The following SPAG17 variants were observed in gnomAD, a reference collection of about 807,000 sequenced individuals.
SPAG17 encodes sperm-associated antigen 17.
Under a neutral mutation model 273.6 loss-of-function variants are expected in SPAG17, and 169 were observed. That is an observed-to-expected ratio of 0.62 (90% confidence interval 0.55 to 0.70). The LOEUF is 0.70. Ranked by LOEUF, SPAG17 falls within the 30% of genes least tolerant of loss-of-function variation. The pLI is 0.00. For synonymous variants in SPAG17, 825 were observed against 873.2 expected (o/e 0.94, Z 0.97); for missense variants, 2,557 against 2,627.8 (o/e 0.97, Z 0.59).
Position 118,135,184 on chromosome 1 carries a change from G to A in SPAG17, c.315+15359C>T, listed in dbSNP as rs75279360. The stretch of plus-strand genomic sequence containing the variant: ...ACCCCTGTGATCAGCAGGTGGTGGC[G>A]GACATCCAGCCAGCCCTCCTCTCAC... On this transcript the variant is annotated intron_variant, in intron 3 of 48. Coordinates refer to ENST00000336338, the MANE Select transcript of SPAG17 (RefSeq NM_206996.4). Among the ~76,000 whole-genome samples the A allele has an allele frequency of 4.5e-3, 690 of 152,228 alleles. 4 individuals are homozygous for A. Among genetic ancestry groups the A allele is most frequent in the African/African-American group, 0.016 (655 of 41,526 alleles).
intron 1 of SPAG17, among the ~76,000 whole-genome samples, chr1:118,173,959 C>T (rs1035449939): frequency 1.3e-5 from 2 of 151,656 alleles, no homozygotes; most frequent in Admixed American, 1.3e-4. Context: ...TGGGCTGTTG[C>T]TAAGGCTCAG....
chr1:118,128,632 A>G (rs1422790142), intron 3 of SPAG17, among the ~76,000 whole-genome samples: 1 of 152,132 alleles, frequency 6.6e-6, no homozygotes, highest in Non-Finnish European at 1.5e-5. Flanking sequence ...AGACCCTACT[A>G]GTTACTGACT....
At position 117,973,511 on chromosome 1, in the gene SPAG17, C is replaced by A; in HGVS notation, c.6055G>T (p.Asp2019Tyr). The stretch of plus-strand genomic sequence containing the variant: ...TCTTTTCTTGTTTGTCCCGCAACAT[C>A]CTGCAGCAAGGACTGGGTTGGAATT... ...VKIPTQSLLQ[D>Y]VAGQTRKEKV... The change falls in exon 44 of 49, where the codon GAT (aspartate) becomes TAT (tyrosine). Residue 2019 changes from aspartate (D) to tyrosine (Y), a missense_variant. Coordinates refer to ENST00000336338, the MANE Select transcript of SPAG17 (RefSeq NM_206996.4). 2 of 1,614,034 alleles carry A rather than the reference C, an allele frequency of 1.2e-6. No homozygotes were observed. Among genetic ancestry groups the A allele is most frequent in the Non-Finnish European group, 1.7e-6 (2 of 1,179,952 alleles).
intron 43 of SPAG17, 35 bp downstream of exon 43, chr1:117,981,235 T>G: frequency 2.0e-6 from 3 of 1,536,912 alleles, no homozygotes; most frequent in Non-Finnish European, 2.6e-6. Flanking sequence ...AATGTTCAGT[T>G]TCAAGAAGCA....
chr1:118,099,705 T>C lies in SPAG17; in HGVS notation c.730A>G (p.Ile244Val). 22 of 1,613,952 alleles carry C rather than the reference T, an allele frequency of 1.4e-5. No individual in the cohort carries two copies. Among genetic ancestry groups the C allele is most frequent in the Non-Finnish European group, 1.8e-5 (21 of 1,179,922 alleles). Residue 244 changes from isoleucine (I) to valine (V), a missense_variant, in exon 6 of 49, where the codon ATA (isoleucine) becomes GTA (valine). Ile to Val is a conservative substitution (Grantham distance 29). Coordinates refer to ENST00000336338, the MANE Select transcript of SPAG17 (RefSeq NM_206996.4). ...LAIMAELGIP[I>V]TSVIKISSEN... ...GAAGATATTTTAATCACGCTGGTTA[T>C]AGGAATGCCAAGCTCAGCCATAATT... is the stretch of plus-strand genomic sequence containing the variant.
chr1:117,980,936 A>G (rs368758370), intron 43 of SPAG17, among the ~76,000 whole-genome samples: 56 of 152,250 alleles, frequency 3.7e-4, no homozygotes, highest in African/African-American at 1.3e-3. Flanking sequence ...ACTCAAGAAA[A>G]GCTATCAGTG....
intron 1 of SPAG17, among the ~76,000 whole-genome samples, chr1:118,171,261 T>C (rs1239823759): frequency 3.3e-5 from 5 of 152,124 alleles, no homozygotes; most frequent in Non-Finnish European, 7.4e-5. Context: ...CAACTTACTG[T>C]TAAGGAGGAA....
At position 118,104,479 on chromosome 1, in the gene SPAG17, T is replaced by G. The variant is rs139309343; in HGVS notation, c.448-2553A>C. On this transcript the variant is annotated intron_variant, in intron 4 of 48. Transcript: ENST00000336338. ...CCCTAGAAGAGAAATTTGGCTAGAG[T>G]TACAAATGCAGGTGTGCATAACATA... Among the ~76,000 whole-genome samples the G allele has an allele frequency of 1.0e-3, 159 of 152,148 alleles. 2 individuals carry two copies. The highest frequency in any genetic ancestry group is 3.6e-3 in the African/African-American group (151 of 41,498).
chr1:118,024,660 C>T (rs1175372976), intron 27 of SPAG17, among the ~76,000 whole-genome samples: 1 of 151,880 alleles, frequency 6.6e-6, no homozygotes, highest in Non-Finnish European at 1.5e-5. Flanking sequence ...GGGCATATGG[C>T]TTCTGATTTT....
chr1:118,174,034 T>C (rs966373294), intron 1 of SPAG17, among the ~76,000 whole-genome samples: 2 of 152,088 alleles, frequency 1.3e-5, no homozygotes, highest in African/African-American at 4.8e-5. Flanking sequence ...GTGGCTATTT[T>C]TTCAAATGCC....
At chr1:118,067,535 G>C (rs1349630009) in intron 17 of SPAG17, among the ~76,000 whole-genome samples, 1 of 152,158 alleles carries the variant, frequency 6.6e-6, no homozygotes. Context: ...AAGCCAGGAA[G>C]GGAGTCCTCA....
intron 43 of SPAG17, among the ~76,000 whole-genome samples, chr1:117,977,671 G>A (rs1655286866): frequency 6.6e-6 from 1 of 152,140 alleles, no homozygotes; most frequent in Non-Finnish European, 1.5e-5. Context: ...CATTTACAGT[G>A]GAGTCATATT....
chr1:118,069,072 G>A (rs1342128555), intron 17 of SPAG17, among the ~76,000 whole-genome samples: 1 of 152,130 alleles, frequency 6.6e-6, no homozygotes, highest in Non-Finnish European at 1.5e-5. Context: ...TAGGCCGGGT[G>A]TGGTGGCTCA....
chr1:118,127,386 A>G (rs1657794960), intron 3 of SPAG17, among the ~76,000 whole-genome samples: 1 of 152,142 alleles, frequency 6.6e-6, no homozygotes, highest in Non-Finnish European at 1.5e-5. Flanking sequence ...CTGTGGGAGT[A>G]GACACTTCAC....
intron 13 of SPAG17, 125 bp from the exon 14 acceptor site, chr1:118,081,767 T>G: frequency 1.3e-6 from 1 of 747,468 alleles, no homozygotes; most frequent in South Asian, 1.8e-5. Flanking sequence ...CAATGGCTGT[T>G]GAGCTGATTT....
chr1:118,107,259 C>T (rs1055422065), intron 4 of SPAG17, among the ~76,000 whole-genome samples: 2 of 152,012 alleles, frequency 1.3e-5, no homozygotes, highest in Non-Finnish European at 2.9e-5. Flanking sequence ...ACCTGTCTGC[C>T]TCCCTCTACT....
At position 117,973,563 on chromosome 1, in the gene SPAG17, T is replaced by C; in HGVS notation, c.6005-2A>G. On this transcript the variant is annotated splice_acceptor_variant, in intron 43 of 48. Transcript: ENST00000336338. LOFTEE classifies it high-confidence loss of function. The stretch of plus-strand genomic sequence containing the variant: ...TCACGGGCTCATAAGATTCTGCTTC[T>C]GTTAGAGAGAAAGCTTAAATTATGC... 3.1e-6 allele frequency: 5 copies of C among 1,612,950 alleles called. No homozygotes were observed. Among genetic ancestry groups the C allele is most frequent in the Non-Finnish European group, 4.2e-6 (5 of 1,179,246 alleles).
At chr1:117,970,661 C>G (rs902016012) in intron 45 of SPAG17, among the ~76,000 whole-genome samples, 2 of 152,120 alleles carry the variant, frequency 1.3e-5, no homozygotes, top group African/African-American at 4.8e-5. Context: ...TTTGTGGGGT[C>G]TGCTTGAAGG....
intron 48 of SPAG17, 134 bp downstream of exon 48, chr1:117,963,665 A>G: frequency 1.2e-6 from 1 of 836,244 alleles, no homozygotes; most frequent in Non-Finnish European, 1.8e-6. Context: ...GGCCCGGCCT[A>G]AACAAATATT....
Sources: allele counts gnomAD v4.1 joint callset (sites outside exome capture counted in the v4.1 genomes callset), GRCh38; gene constraint gnomAD v4.1.1; transcripts MANE v1.5; gene names NCBI Gene and HGNC (gene_info 2026-07-23, HGNC 2026-07-21).